NFIA: variants seen among roughly 807,000 people sequenced by gnomAD.
The protein encoded by NFIA is nuclear factor I A, also known as nuclear factor 1 A-type.
NFIA carries 8 observed loss-of-function variants against 62.8 expected under a neutral mutation model. The ratio of observed to expected loss-of-function variants is 0.13; its 90% CI spans 0.07 to 0.23. The LOEUF (loss-of-function observed/expected upper bound fraction) is 0.23. NFIA is among the 10% of genes least tolerant of loss of function. The probability of loss-of-function intolerance (pLI) is 1.00; values close to 1 mark genes in which losing one functional copy is unlikely to be tolerated. For synonymous variants in NFIA, 235 were observed against 238.1 expected (o/e 0.99, Z 0.12); for missense variants, 410 against 642.1 (o/e 0.64, Z 3.91).
Position 61,327,028 on chromosome 1 carries a change from G to GAA in NFIA, c.626-5476_626-5475dup, listed in dbSNP as rs869136527. Among the ~76,000 whole-genome samples the GAA allele has an allele frequency of 9.3e-5, 8 of 85,584 alleles. 1 individual carries two copies. In the Admixed American group the frequency reaches 1.3e-3, roughly 14 times the overall value. 56.1% of individuals were successfully genotyped at this position (85,584 alleles called of 152,430 possible). On this transcript the variant is annotated intron_variant, in intron 3 of 10. Transcript: ENST00000403491. ...TTGCAAGCATTCTTTCTTTTTAAAA[G>GAA]AAAAAAAAATATATATATATGATAT...
At chr1:61,211,433 G>A (rs764016807) in intron 2 of NFIA, among the ~76,000 whole-genome samples, 56 of 152,244 alleles carry the variant, frequency 3.7e-4, no homozygotes, top group Non-Finnish European at 3.7e-4. Flanking sequence ...ATGATAAATA[G>A]TAACAGCTTA....
intron 2 of NFIA, among the ~76,000 whole-genome samples, chr1:61,257,082 T>C (rs1361396355): frequency 6.6e-6 from 1 of 152,146 alleles, no homozygotes; most frequent in African/African-American, 2.4e-5. Flanking sequence ...ATAATTAGTT[T>C]CTTTTATTTA....
chr1:61,217,044 CT>C (rs140191299), intron 2 of NFIA, among the ~76,000 whole-genome samples: 7,644 of 146,768 alleles, frequency 0.052, 350 homozygotes, highest in East Asian at 0.29. Flanking sequence ...ATTGATTAAA[CT>C]TTTTTTTTTC....
Position 61,424,731 on chromosome 1 carries a change from T to C in NFIA, c.1421-1734T>C, listed in dbSNP as rs557179908. 7.9e-5 allele frequency among the ~76,000 whole-genome samples: 12 copies of C among 152,334 alleles called. No individual in the cohort carries two copies. The South Asian group carries it at 2.1e-3, about 26-fold the overall frequency. ...AGGGGAACACACTATCAGATAATTA[T>C]AGTCTCTCCTTTTCAATATAAAAAC... On this transcript the variant is annotated intron_variant, in intron 9 of 10. Transcript: ENST00000403491.
chr1:61,147,416 G>A (rs145846332), intron 2 of NFIA, among the ~76,000 whole-genome samples: 2,768 of 152,302 alleles, frequency 0.018, 36 homozygotes, highest in Non-Finnish European at 0.03. Context: ...CTCCCGAAGT[G>A]CTAGGATTAC....
chr1:61,146,756 A>C (rs1648035616), intron 2 of NFIA, among the ~76,000 whole-genome samples: 1 of 152,224 alleles, frequency 6.6e-6, no homozygotes, highest in Non-Finnish European at 1.5e-5. Context: ...TTCTCCAGAA[A>C]GGGACTACTT....
In NFIA at chr1:61,440,606, G is replaced by T. The variant is rs7529117; in HGVS notation, c.1512+14050G>T. Among the ~76,000 whole-genome samples the T allele has an allele frequency of 2.0e-5, 3 of 151,400 alleles. No homozygotes were observed. In the East Asian group the frequency reaches 5.8e-4, roughly 29 times the overall value. ...TTTTTTAAGTACAAAAAAAGAACAC[G>T]TATTTCTCTTTATTGTGTTTTTTTT... On this transcript the variant is annotated intron_variant, in intron 10 of 10. Transcript: ENST00000403491.
chr1:61,267,596 C>G (rs910204529), intron 2 of NFIA, among the ~76,000 whole-genome samples: 1 of 152,186 alleles, frequency 6.6e-6, no homozygotes, highest in Non-Finnish European at 1.5e-5. Flanking sequence ...AAAAAAGATT[C>G]TGCCTAAACC....
intron 2 of NFIA, among the ~76,000 whole-genome samples, chr1:61,127,413 C>G (rs1478374168): frequency 6.7e-6 from 1 of 148,522 alleles, no homozygotes; most frequent in Non-Finnish European, 1.5e-5. Flanking sequence ...GCTGAGATCG[C>G]ATCGTGTCAC....
Position 61,414,221 on chromosome 1 carries a change from G to A in NFIA, c.1420+7494G>A, listed in dbSNP as rs7539457. Among the ~76,000 whole-genome samples the A allele has an allele frequency of 5.5e-3, 836 of 152,126 alleles. 6 individuals carry two copies. The highest frequency in any genetic ancestry group is 0.019 in the African/African-American group (798 of 41,484). On this transcript the variant is annotated intron_variant, in intron 9 of 10. Coordinates refer to ENST00000403491, the MANE Select transcript of NFIA (RefSeq NM_001134673.4). Reference sequence around the variant, plus strand: ...TAGTCTCAAACTCCTGGCCTCAAGCGGTCCACCTGCCTCGGCCTCCCAAAG... The same window carrying A: ...TAGTCTCAAACTCCTGGCCTCAAGCAGTCCACCTGCCTCGGCCTCCCAAAG...
intron 2 of NFIA, among the ~76,000 whole-genome samples, chr1:61,216,982 A>G (rs1160439332): frequency 6.6e-6 from 1 of 151,728 alleles, no homozygotes; most frequent in Non-Finnish European, 1.5e-5. Flanking sequence ...CCTGGGTGAC[A>G]GAATGAGACT....
intron 3 of NFIA, among the ~76,000 whole-genome samples, chr1:61,294,149 T>C: frequency 6.6e-6 from 1 of 152,240 alleles, no homozygotes; most frequent in Non-Finnish European, 1.5e-5. Context: ...AGTACATGCA[T>C]CTTTGTTACT....
chr1:61,103,516 T>A (rs1646546732), intron 2 of NFIA, among the ~76,000 whole-genome samples: 1 of 152,190 alleles, frequency 6.6e-6, no homozygotes, highest in Admixed American at 6.5e-5. Flanking sequence ...ATTTCCAGAT[T>A]GGGCTGTGAT....
chr1:61,424,288 C>A (rs915209862), intron 9 of NFIA, among the ~76,000 whole-genome samples: 7 of 151,940 alleles, frequency 4.6e-5, no homozygotes, highest in African/African-American at 1.5e-4. Flanking sequence ...ATATAAATAC[C>A]TTTCCAGATT....
chr1:61,420,646 T>C (rs1204247192), intron 9 of NFIA, among the ~76,000 whole-genome samples: 3 of 152,234 alleles, frequency 2.0e-5, no homozygotes, highest in Non-Finnish European at 4.4e-5. Context: ...ATAGTAAGCC[T>C]ATTTTGAATA....
intron 2 of NFIA, among the ~76,000 whole-genome samples, chr1:61,269,651 T>G (rs1030284744): frequency 6.6e-6 from 1 of 152,182 alleles, no homozygotes; most frequent in Admixed American, 6.5e-5. Flanking sequence ...TTCCAAAGCT[T>G]GAATATCCAG....
chr1:61,343,961 C>A (rs1004907575), intron 4 of NFIA, among the ~76,000 whole-genome samples: 3 of 152,156 alleles, frequency 2.0e-5, no homozygotes, highest in African/African-American at 7.2e-5. Flanking sequence ...TTTTTCCATG[C>A]AAATTCATCA....
intron 5 of NFIA, among the ~76,000 whole-genome samples, chr1:61,355,787 A>C (rs184627712): frequency 6.6e-6 from 1 of 152,088 alleles, no homozygotes; most frequent in Non-Finnish European, 1.5e-5. Flanking sequence ...AGGTCTCGCT[A>C]TGTTGCCCAC....
intron 2 of NFIA, among the ~76,000 whole-genome samples, chr1:61,250,641 A>G (rs1251741725): frequency 6.6e-6 from 1 of 152,202 alleles, no homozygotes; most frequent in Non-Finnish European, 1.5e-5. Context: ...GAAATGTTCT[A>G]CAGAGCATAA....
Sources: allele counts gnomAD v4.1 joint callset (sites outside exome capture counted in the v4.1 genomes callset), GRCh38; gene constraint gnomAD v4.1.1; transcripts MANE v1.5; gene names NCBI Gene and HGNC (gene_info 2026-07-23, HGNC 2026-07-21).